NAALADL2: variants seen among roughly 807,000 people sequenced by gnomAD.
The protein encoded by NAALADL2 is N-acetylated alpha-linked acidic dipeptidase like 2.
Under a neutral mutation model 87.2 loss-of-function variants are expected in NAALADL2, and 76 were observed. The observed-to-expected ratio is 0.87, with a 90% CI of 0.72 to 1.05. NAALADL2 has a LOEUF of 1.05. NAALADL2 is among the 50% of genes least tolerant of loss of function. NAALADL2 has a pLI of 0.00. For missense variants in NAALADL2, 1,089 were observed against 945.8 expected, an observed-to-expected ratio of 1.15 and a Z score of -1.99; for synonymous variants, 354 against 331.0, an observed-to-expected ratio of 1.07 and a Z score of -0.75.
At chr3:174,622,276 C>CT (rs1383888208) in intron 2 of NAALADL2, among the ~76,000 whole-genome samples, 1 of 152,134 alleles carries the variant, frequency 6.6e-6, no homozygotes, top group Non-Finnish European at 1.5e-5. Context: ...GTCTCTTGCT[C>CT]TAAGTATTAT....
intron 2 of NAALADL2, among the ~76,000 whole-genome samples, chr3:174,610,424 AG>A (rs1220062540): frequency 5.3e-5 from 8 of 152,008 alleles, no homozygotes; most frequent in African/African-American, 1.9e-4. Flanking sequence ...CATCTGACAA[AG>A]GGCTAATATC....
At chr3:175,458,671 C>T (rs564060489) in intron 6 of NAALADL2, among the ~76,000 whole-genome samples, 1 of 151,406 alleles carries the variant, frequency 6.6e-6, no homozygotes, top group African/African-American at 2.4e-5. Flanking sequence ...TTTTCTCTAG[C>T]AGTTAGAAAT....
intron 1 of NAALADL2, among the ~76,000 whole-genome samples, chr3:174,501,325 G>T (rs575882590): frequency 1.4e-5 from 2 of 142,936 alleles, no homozygotes; most frequent in Non-Finnish European, 2.9e-5. Context: ...TGATCCGCCC[G>T]CCTCGGCCTT....
chr3:175,193,942 G>A (rs189967993), intron 2 of NAALADL2, among the ~76,000 whole-genome samples: 70 of 151,886 alleles, frequency 4.6e-4, no homozygotes, highest in African/African-American at 1.3e-3. Context: ...TTTAACAGAC[G>A]AAAATAGATA....
intron 4 of NAALADL2, among the ~76,000 whole-genome samples, chr3:175,316,861 G>A (rs1195830796): frequency 6.6e-6 from 1 of 152,030 alleles, no homozygotes; most frequent in African/African-American, 2.4e-5. Context: ...CAACTTCACT[G>A]GAAATCCAAA....
intron 1 of NAALADL2, among the ~76,000 whole-genome samples, chr3:174,964,742 T>C (rs1742615654): frequency 6.6e-6 from 1 of 152,072 alleles, no homozygotes; most frequent in Admixed American, 6.6e-5. Flanking sequence ...CTCCTGCTGC[T>C]TGTAATAATA....
At chr3:174,776,297 C>T (rs1715206487) in intron 3 of NAALADL2, among the ~76,000 whole-genome samples, 1 of 152,048 alleles carries the variant, frequency 6.6e-6, no homozygotes, top group Non-Finnish European at 1.5e-5. Flanking sequence ...AGTGACTTCG[C>T]AAAGTGTATA....
intron 1 of NAALADL2, among the ~76,000 whole-genome samples, chr3:174,508,114 G>GTTTT (rs1311325384): frequency 0.011 from 1,110 of 103,866 alleles, 37 homozygotes; most frequent in African/African-American, 0.036. Flanking sequence ...ATATCTAGTG[G>GTTTT]TTTTTTTTTT....
intron 1 of NAALADL2, among the ~76,000 whole-genome samples, chr3:174,879,230 G>A (rs1728889782): frequency 6.6e-6 from 1 of 151,994 alleles, no homozygotes; most frequent in South Asian, 2.1e-4. Context: ...ACTTATTAAG[G>A]AACACCTTGA....
intron 1 of NAALADL2, among the ~76,000 whole-genome samples, chr3:174,545,156 G>A: frequency 6.6e-6 from 1 of 152,108 alleles, no homozygotes; most frequent in East Asian, 1.9e-4. Flanking sequence ...GGGATTACAG[G>A]CACGAGCCAC....
In NAALADL2 at chr3:174,819,524, C is replaced by T. The variant is rs1171046449; in HGVS notation, c.-9+81778C>T. On this transcript the variant is annotated intron_variant, in intron 3 of 3. Transcript: ENST00000434257. Reference sequence around the variant, plus strand: ...AGGTCTGACTTCTCATACACGGACTCGAGGTCTGACTTCTCATACACAATC... The same window carrying T: ...AGGTCTGACTTCTCATACACGGACTTGAGGTCTGACTTCTCATACACAATC... Among the ~76,000 whole-genome samples the T allele has an allele frequency of 3.9e-5, 6 of 152,016 alleles. No individual in the cohort carries two copies. The South Asian group carries it at 8.3e-4, about 21-fold the overall frequency.
chr3:175,059,911 G>A, intron 1 of NAALADL2: 1 of 400,322 alleles, frequency 2.5e-6, no homozygotes, highest in South Asian at 2.1e-5. Context: ...GCCAGAGACT[G>A]CTTCAAATAC....
At position 175,697,458 on chromosome 3, in the gene NAALADL2, G is replaced by T. The variant is rs566652374; in HGVS notation, c.1897-39848G>T. ...AAAACCCTACTTATGAGGGTGTATT[G>T]TTACTTTTGATTTTAGGTGTAGTAG... On this transcript the variant is annotated intron_variant, in intron 11 of 13. Transcript: ENST00000454872. 2.0e-5 allele frequency among the ~76,000 whole-genome samples: 3 copies of T among 149,072 alleles called. No homozygotes were observed. The South Asian group carries it at 6.3e-4, about 31-fold the overall frequency.
chr3:175,101,598 G>A (rs1431835057), intron 2 of NAALADL2, among the ~76,000 whole-genome samples: 1 of 152,142 alleles, frequency 6.6e-6, no homozygotes, highest in Non-Finnish European at 1.5e-5. Flanking sequence ...GGCAAAAGCC[G>A]CAATTACTTT....
At chr3:174,716,254 T>G (rs1731177692) in intron 2 of NAALADL2, among the ~76,000 whole-genome samples, 1 of 152,276 alleles carries the variant, frequency 6.6e-6, no homozygotes, top group Non-Finnish European at 1.5e-5. Context: ...CATACCTGTT[T>G]GACCAGCCAG....
At chr3:175,175,973 C>T (rs556368137) in intron 2 of NAALADL2, among the ~76,000 whole-genome samples, 56 of 152,132 alleles carry the variant, frequency 3.7e-4, no homozygotes, top group African/African-American at 1.3e-3. Flanking sequence ...AGAAAATATA[C>T]ATTATGATAT....
intron 1 of NAALADL2, among the ~76,000 whole-genome samples, chr3:174,936,652 T>C (rs952570213): frequency 1.3e-5 from 2 of 152,138 alleles, no homozygotes; most frequent in Admixed American, 1.3e-4. Context: ...ACAAAAAATC[T>C]AGTAGTTTTT....
At chr3:175,155,329 C>T (rs890705923) in intron 2 of NAALADL2, among the ~76,000 whole-genome samples, 1 of 152,084 alleles carries the variant, frequency 6.6e-6, no homozygotes, top group Non-Finnish European at 1.5e-5. Context: ...GTAGCAGTTG[C>T]CCCTTTGACA....
chr3:174,797,553 C>T (rs756093280), intron 3 of NAALADL2, among the ~76,000 whole-genome samples: 41 of 151,824 alleles, frequency 2.7e-4, no homozygotes, highest in Non-Finnish European at 4.9e-4. Context: ...TGATCTATGT[C>T]TATTTTTATA....
Sources: gnomAD v4.1 joint callset for allele counts (sites outside exome capture counted in the v4.1 genomes callset) on GRCh38, gnomAD v4.1.1 for gene constraint, MANE v1.5 for transcripts, NCBI Gene and HGNC (gene_info 2026-07-23, HGNC 2026-07-21) for gene names.